The following SGK3 variants were observed in gnomAD, a reference collection of about 807,000 sequenced individuals.
The protein encoded by SGK3 is serine/threonine-protein kinase Sgk3.
A neutral mutation model predicts 68.5 loss-of-function variants in SGK3; 47 were observed. That is an observed-to-expected ratio of 0.69 (90% confidence interval 0.54 to 0.87). SGK3 has a LOEUF of 0.87. SGK3 is among the 40% of genes least tolerant of loss of function. The pLI is 0.00. For missense variants in SGK3, 479 were observed against 575.5 expected, an observed-to-expected ratio of 0.83 and a Z score of 1.72; for synonymous variants, 181 against 189.1, an observed-to-expected ratio of 0.96 and a Z score of 0.35.
intron 1 of SGK3, chr8:66,767,437 T>A (rs1378010624): frequency 7.2e-7 from 1 of 1,384,190 alleles, no homozygotes; most frequent in Non-Finnish European, 1.0e-6. Flanking sequence ...CAATTCAACA[T>A]CCAGGGTCAA....
At chr8:66,758,427 A>T (rs949809195) in intron 1 of SGK3, among the ~76,000 whole-genome samples, 2 of 152,168 alleles carry the variant, frequency 1.3e-5, no homozygotes, top group Non-Finnish European at 2.9e-5. Flanking sequence ...TTAGCATTAT[A>T]TTATTTGTTT....
chr8:66,851,997 C>A (rs1056069059), intron 16 of SGK3, among the ~76,000 whole-genome samples: 9 of 152,110 alleles, frequency 5.9e-5, no homozygotes, highest in South Asian at 2.1e-4. Flanking sequence ...AGCCAGGATT[C>A]CAATATATGC....
intron 1 of SGK3, among the ~76,000 whole-genome samples, chr8:66,735,068 C>T (rs1805280391): frequency 6.6e-6 from 1 of 151,666 alleles, no homozygotes; most frequent in Non-Finnish European, 1.5e-5. Context: ...TATTGTTAAT[C>T]TTTTACTGTG....
At chr8:66,759,500 T>A (rs898363932) in intron 1 of SGK3, among the ~76,000 whole-genome samples, 2 of 148,718 alleles carry the variant, frequency 1.3e-5, no homozygotes, top group African/African-American at 5.0e-5. Flanking sequence ...GGCATGATCT[T>A]GGCTCACTGC....
At chr8:66,840,883 A>G in intron 12 of SGK3, 141 bp from the exon 13 acceptor site, 1 of 422,346 alleles carries the variant, frequency 2.4e-6, no homozygotes, top group Non-Finnish European at 4.0e-6. Context: ...CAGAGGTTGC[A>G]GTGAGCCGAG....
In SGK3 at chr8:66,851,189, A is replaced by G. The variant is rs140793605; in HGVS notation, c.1320+269A>G. 7.1e-4 allele frequency among the ~76,000 whole-genome samples: 108 copies of G among 152,252 alleles called. 1 individual carries two copies. Among genetic ancestry groups the G allele is most frequent in the African/African-American group, 2.4e-3 (101 of 41,544 alleles). On this transcript the variant is annotated intron_variant, in intron 16 of 16. Coordinates refer to ENST00000521198, the MANE Select transcript of SGK3 (RefSeq NM_001033578.3). ...CATGTATAAGAAAAGAATGAACTCA[A>G]CAAGTCAGCCAGGCATGGTGGCTCA... is the stretch of plus-strand genomic sequence containing the variant.
At chr8:66,833,828 A>T (rs1809399345) in intron 8 of SGK3, among the ~76,000 whole-genome samples, 1 of 152,150 alleles carries the variant, frequency 6.6e-6, no homozygotes, top group African/African-American at 2.4e-5. Context: ...AGTAGTTGGG[A>T]TTACAGGCGT....
chr8:66,739,697 A>G (rs929922928), intron 1 of SGK3, among the ~76,000 whole-genome samples: 2 of 152,114 alleles, frequency 1.3e-5, no homozygotes, highest in Non-Finnish European at 2.9e-5. Flanking sequence ...TACCCAGCCG[A>G]CACTGGGTAA....
At chr8:66,810,274 A>AG (rs1808331914) in intron 4 of SGK3, among the ~76,000 whole-genome samples, 1 of 151,606 alleles carries the variant, frequency 6.6e-6, no homozygotes, top group Non-Finnish European at 1.5e-5. Flanking sequence ...AAAATATTCC[A>AG]GAAAAAAAAA....
Position 66,793,603 on chromosome 8 carries a change from TCTG to T in SGK3, c.-121-12_-121-10del. 2.0e-5 allele frequency: 15 copies of T among 744,866 alleles called. No individual in the cohort carries two copies. Among genetic ancestry groups the T allele is most frequent in the Middle Eastern group, 2.6e-4 (1 of 3,886 alleles). The allele number at this position is 744,866 out of a possible 1,614,324, so 46.1% of individuals were successfully genotyped here. On this transcript the variant is annotated splice_polypyrimidine_tract_variant and intron_variant, in intron 1 of 16. Transcript: ENST00000521198. ...GTTTTGCTAATCACTTTTTTTTTTT[TCTG>T]TTGGTTAAGGTTGCATGATGGAATT...
chr8:66,762,033 C>A (rs79524584), intron 1 of SGK3, among the ~76,000 whole-genome samples: 3 of 151,404 alleles, frequency 2.0e-5, no homozygotes, highest in Non-Finnish European at 4.4e-5. Context: ...TTTTTAGACT[C>A]TTTTTTTTTG....
intron 8 of SGK3, 47 bp downstream of exon 8, chr8:66,831,358 T>G: frequency 1.2e-6 from 2 of 1,606,470 alleles, no homozygotes; most frequent in Admixed American, 1.7e-5. Flanking sequence ...TTTTGGTTTT[T>G]TTTTTGGAGA....
chr8:66,859,665 T>C lies in SGK3; in HGVS notation c.*84T>C. The stretch of plus-strand genomic sequence containing the variant: ...CTATTTGTGTGAATATATTCAAATA[T>C]GTATAACTAGTGCCTCATTTTTATA... On this transcript the variant is annotated 3_prime_UTR_variant, in exon 17 of 17. Coordinates refer to ENST00000521198, the MANE Select transcript of SGK3 (RefSeq NM_001033578.3). 7.4e-7 allele frequency: 1 copy of C among 1,359,558 alleles called. No homozygotes were observed. Among genetic ancestry groups the C allele is most frequent in the Non-Finnish European group, 9.7e-7 (1 of 1,030,748 alleles). 84.2% of individuals were successfully genotyped at this position (1,359,558 alleles called of 1,614,324 possible). A position where few individuals can be genotyped will look rare whatever the true frequency, so the allele number is the denominator to read the frequency against.
At position 66,847,359 on chromosome 8, in the gene SGK3, G is replaced by A. The variant is rs1352082408; in HGVS notation, c.1230+11G>A. 3 of 1,609,126 alleles carry A rather than the reference G, an allele frequency of 1.9e-6. No individual in the cohort carries two copies. The African/African-American group carries it at 4.0e-5, about 22-fold the overall frequency. On this transcript the variant is annotated intron_variant, in intron 15 of 16. Transcript: ENST00000521198. ...GCCAAGGAAGACTTTGTATGTAACAGCTTTTCTAGCTCCAGCTTTATTTAA... is the reference window on the plus strand; with the variant it reads ...GCCAAGGAAGACTTTGTATGTAACAACTTTTCTAGCTCCAGCTTTATTTAA...
intron 1 of SGK3, among the ~76,000 whole-genome samples, chr8:66,746,304 C>T (rs1011829811): frequency 1.3e-5 from 2 of 152,180 alleles, no homozygotes; most frequent in African/African-American, 4.8e-5. Context: ...TGCATTTTCC[C>T]TCTTGTTTTG....
intron 1 of SGK3, among the ~76,000 whole-genome samples, chr8:66,723,419 G>C (rs1265397884): frequency 3.3e-5 from 5 of 151,296 alleles, no homozygotes; most frequent in Non-Finnish European, 5.9e-5. Context: ...ACTCCAGCCT[G>C]GGCAACAAGA....
At chr8:66,795,402 A>C (rs1002169518) in intron 2 of SGK3, among the ~76,000 whole-genome samples, 1 of 152,232 alleles carries the variant, frequency 6.6e-6, no homozygotes, top group Non-Finnish European at 1.5e-5. Context: ...TTGTATAAGC[A>C]AATTTTTAGC....
chr8:66,755,435 G>T (rs965566972), intron 1 of SGK3, among the ~76,000 whole-genome samples: 1 of 152,196 alleles, frequency 6.6e-6, no homozygotes, highest in Non-Finnish European at 1.5e-5. Context: ...GTCGCATGAT[G>T]TCAGGTGTGG....
intron 1 of SGK3, among the ~76,000 whole-genome samples, chr8:66,741,032 T>C (rs1805464568): frequency 6.6e-6 from 1 of 152,118 alleles, no homozygotes; most frequent in South Asian, 2.1e-4. Context: ...CATGCCTACC[T>C]TTCTTAACCC....
Sources: allele counts gnomAD v4.1 joint callset (sites outside exome capture counted in the v4.1 genomes callset), GRCh38; gene constraint gnomAD v4.1.1; transcripts MANE v1.5; gene names NCBI Gene and HGNC (gene_info 2026-07-23, HGNC 2026-07-21).